PCDH7: variants seen among roughly 807,000 people sequenced by gnomAD.
The protein encoded by PCDH7 is protocadherin-7.
PCDH7 carries 17 observed loss-of-function variants against 58.9 expected under a neutral mutation model. The observed-to-expected ratio is 0.29, with a 90% CI of 0.20 to 0.43. The LOEUF (loss-of-function observed/expected upper bound fraction) is 0.43, where lower values mean the gene tolerates loss of function less well. Among genes scored for constraint, PCDH7 ranks in the 20% least tolerant of loss-of-function variants. The pLI, the probability that PCDH7 is intolerant of heterozygous loss-of-function variation, is 1.00. For synonymous variants in PCDH7, 664 were observed against 616.4 expected (o/e 1.08, Z -1.14); for missense variants, 1,274 against 1,441.0 (o/e 0.88, Z 1.88).
chr4:30,801,472 AAAG>A (rs1028652864), intron 1 of PCDH7, among the ~76,000 whole-genome samples: 4 of 152,144 alleles, frequency 2.6e-5, no homozygotes, highest in African/African-American at 9.7e-5. Flanking sequence ...GATAGAAAGG[AAAG>A]AAGGAGTGTT....
intron 1 of PCDH7, among the ~76,000 whole-genome samples, chr4:30,801,650 A>T (rs937289664): frequency 1.3e-4 from 20 of 152,224 alleles, no homozygotes; most frequent in African/African-American, 4.8e-4. Context: ...ATAGAACTCA[A>T]GTTTATCACT....
rs150895112 is a variant in PCDH7 at position 30,899,183 on chromosome 4, G to A, written c.71-20970G>A. 4.9e-4 allele frequency among the ~76,000 whole-genome samples: 74 copies of A among 152,020 alleles called. No homozygotes were observed. The East Asian group carries it at 5.4e-3, about 11-fold the overall frequency. The stretch of plus-strand genomic sequence containing the variant: ...AGTCACTGCCCCAGGGTTTTTTTAC[G>A]CTACAGATTTTGAGAATGACTGTCC... On this transcript the variant is annotated intron_variant, in intron 1 of 3. Transcript: ENST00000509759.
chr4:30,723,342 G>A lies in PCDH7; in HGVS notation c.1920G>A (p.Met640Ile), dbSNP rs1236611325. ...AAAATGACAATGACCCTAAGTTTAT[G>A]CAGGACGTCTTCACCTTTTATGTGA... is the stretch of plus-strand genomic sequence containing the variant. The change falls in exon 1 of 2, where the codon ATG becomes ATA. Residue 640 changes from methionine to isoleucine, a missense_variant. Around this residue, in one of 3 missense-constraint regions of PCDH7, gnomAD observed 731 missense variants for 881.9 expected, o/e 0.83. Coordinates refer to ENST00000361762, the Ensembl canonical transcript of PCDH7. The surrounding 1 kb of genome is among the most constrained non-coding windows in gnomAD (Gnocchi z 4.6). 1 of 1,614,120 alleles carries A rather than the reference G, an allele frequency of 6.2e-7. No homozygotes were observed. The highest frequency in any genetic ancestry group is 8.5e-7 in the Non-Finnish European group (1 of 1,180,058).
chr4:30,910,789 C>T (rs1438172207), intron 1 of PCDH7, among the ~76,000 whole-genome samples: 1 of 152,050 alleles, frequency 6.6e-6, no homozygotes, highest in African/African-American at 2.4e-5. Context: ...ACCATTTGAC[C>T]CAGCAATCTC....
In PCDH7 at chr4:31,082,890, C is replaced by T. The variant is rs185374402; in HGVS notation, c.*8-59583C>T. Among the ~76,000 whole-genome samples the T allele has an allele frequency of 8.6e-3, 1,310 of 152,186 alleles. 14 individuals carry two copies. The highest frequency in any genetic ancestry group is 0.03 in the African/African-American group (1,235 of 41,532). On this transcript the variant is annotated intron_variant, in intron 3 of 3. Coordinates refer to the PCDH7 transcript ENST00000509759. Reference sequence around the variant, plus strand: ...GCCAAGGGCCAAGGTGGGCGGATCACGAGGTCAGGAGATCGAGACCATCCT... The same window carrying T: ...GCCAAGGGCCAAGGTGGGCGGATCATGAGGTCAGGAGATCGAGACCATCCT...
chr4:30,779,733 A>C (rs1338775690), intron 1 of PCDH7, among the ~76,000 whole-genome samples: 1 of 152,184 alleles, frequency 6.6e-6, no homozygotes, highest in Non-Finnish European at 1.5e-5. Context: ...TTTTTAGTAG[A>C]TCAAACTGTT....
At chr4:30,954,906 A>T (rs1747694818) in intron 3 of PCDH7, among the ~76,000 whole-genome samples, 1 of 152,118 alleles carries the variant, frequency 6.6e-6, no homozygotes, top group African/African-American at 2.4e-5. Flanking sequence ...TCACGGATGT[A>T]ATCTTTAGTG....
At chr4:30,739,910 T>G (rs1262863919) in intron 1 of PCDH7, among the ~76,000 whole-genome samples, 1 of 152,226 alleles carries the variant, frequency 6.6e-6, no homozygotes, top group East Asian at 1.9e-4. Context: ...GTAAATAGTA[T>G]ATCAATGATA....
At chr4:31,090,681 T>A (rs1560215451) in intron 3 of PCDH7, among the ~76,000 whole-genome samples, 1 of 152,114 alleles carries the variant, frequency 6.6e-6, no homozygotes, top group Non-Finnish European at 1.5e-5. Context: ...TTTTTCTTCC[T>A]CTATAACTCA....
At chr4:30,728,570 T>A (rs1399805700) in intron 1 of PCDH7, among the ~76,000 whole-genome samples, 1 of 151,808 alleles carries the variant, frequency 6.6e-6, no homozygotes, top group African/African-American at 2.4e-5. Context: ...AGCAACACTA[T>A]CTGGATCTCT....
chr4:30,933,477 C>A (rs533198691), intron 2 of PCDH7, among the ~76,000 whole-genome samples: 1 of 152,136 alleles, frequency 6.6e-6, no homozygotes, highest in South Asian at 2.1e-4. Context: ...CTCTAACTTA[C>A]GCTTGTTGTT....
At chr4:31,097,090 T>C (rs563076639) in intron 3 of PCDH7, among the ~76,000 whole-genome samples, 3 of 152,112 alleles carry the variant, frequency 2.0e-5, no homozygotes, top group Non-Finnish European at 4.4e-5. Context: ...AGTTGTGCCA[T>C]TGTGACATCC....
At chr4:30,966,970 A>G (rs538827808) in intron 3 of PCDH7, among the ~76,000 whole-genome samples, 3 of 152,130 alleles carry the variant, frequency 2.0e-5, no homozygotes, top group African/African-American at 7.2e-5. Flanking sequence ...CAGTTTCCTT[A>G]TTGCAAAATT....
chr4:30,897,390 G>A (rs1739588790), intron 1 of PCDH7, among the ~76,000 whole-genome samples: 1 of 152,102 alleles, frequency 6.6e-6, no homozygotes, highest in Non-Finnish European at 1.5e-5. Context: ...TCACTAACTT[G>A]AAATATTTTC....
At chr4:31,141,547 A>G (rs1218207477) in intron 3 of PCDH7, among the ~76,000 whole-genome samples, 1 of 152,208 alleles carries the variant, frequency 6.6e-6, no homozygotes, top group Admixed American at 6.5e-5. Flanking sequence ...TTCTCCAAAG[A>G]CAGACACATG....
chr4:31,145,242 T>C (rs1361119379), downstream of PCDH7: 2 of 152,102 alleles, frequency 1.3e-5, no homozygotes, highest in African/African-American at 4.8e-5. Context: ...CATTGTCATT[T>C]AACTCGTGAA....
intron 1 of PCDH7, among the ~76,000 whole-genome samples, chr4:30,786,435 C>T (rs1287824124): frequency 6.6e-6 from 1 of 152,034 alleles, no homozygotes; most frequent in Non-Finnish European, 1.5e-5. Flanking sequence ...AAAGCTTAAA[C>T]TCTGAAACAC....
At chr4:30,947,303 T>C (rs767261779) in intron 2 of PCDH7, among the ~76,000 whole-genome samples, 15 of 152,172 alleles carry the variant, frequency 9.9e-5, no homozygotes, top group African/African-American at 3.6e-4. Context: ...AAAAAACTTA[T>C]TACAAACTCT....
chr4:30,743,319 A>G (rs1717325503), intron 1 of PCDH7, among the ~76,000 whole-genome samples: 1 of 152,130 alleles, frequency 6.6e-6, no homozygotes, highest in Admixed American at 6.6e-5. Flanking sequence ...AAAAGCTGAA[A>G]TGTCTTATTG....
Sources: allele counts gnomAD v4.1 joint callset (sites outside exome capture counted in the v4.1 genomes callset), GRCh38; gene constraint gnomAD v4.1.1; regional missense constraint gnomAD v4.1.1; non-coding constraint Gnocchi (gnomAD v3.1); transcripts MANE v1.5; gene names NCBI Gene and HGNC (gene_info 2026-07-23, HGNC 2026-07-21).